ITGB7: variants seen among roughly 807,000 people sequenced by gnomAD.
ITGB7 encodes the protein integrin subunit beta 7, also known as integrin beta-7.
A neutral mutation model predicts 83.4 loss-of-function variants in ITGB7; 55 were observed. The ratio of observed to expected loss-of-function variants is 0.66; its 90% CI spans 0.53 to 0.83. The LOEUF (loss-of-function observed/expected upper bound fraction) is 0.83, where lower values mean the gene tolerates loss of function less well. ITGB7 is among the 40% of genes least tolerant of loss of function. ITGB7 has a pLI of 0.00. For missense variants in ITGB7, 921 were observed against 1,046.7 expected (o/e 0.88, Z 1.66); for synonymous variants, 454 against 423.6 (o/e 1.07, Z -0.88).
At chr12:53,193,082 C>T (rs1942024203) in intron 12 of ITGB7, 58 bp downstream of exon 12, 5 of 1,495,650 alleles carry the variant, frequency 3.3e-6, no homozygotes, top group Admixed American at 1.8e-5. Context: ...ATTCCCAGAG[C>T]CTAAGTGCCT....
intron 1 of ITGB7, among the ~76,000 whole-genome samples, chr12:53,204,692 T>C (rs1386519953): frequency 6.6e-6 from 1 of 152,142 alleles, no homozygotes; most frequent in Non-Finnish European, 1.5e-5. Flanking sequence ...AAATGATAAA[T>C]GTTTGTGTAT....
intron 3 of ITGB7, among the ~76,000 whole-genome samples, chr12:53,199,292 T>C (rs1201342802): frequency 2.0e-5 from 3 of 152,124 alleles, no homozygotes; most frequent in Non-Finnish European, 4.4e-5. Flanking sequence ...ACAGCTTTGT[T>C]TGAAGAGCCA....
Position 53,193,941 on chromosome 12 carries a change from C to T in ITGB7, c.1309-40G>A, listed in dbSNP as rs541649721. ...GAATCAGGCCATGGTTATACACATG[C>T]ACACACACATACCCCAAACTCACCA... On this transcript the variant is annotated intron_variant, in intron 10 of 15. Coordinates refer to ENST00000267082, the MANE Select transcript of ITGB7 (RefSeq NM_000889.3). 2.4e-5 allele frequency: 37 copies of T among 1,554,374 alleles called. 2 individuals are homozygous for T. The South Asian group carries it at 4.2e-4, about 18-fold the overall frequency.
chr12:53,193,331 T>A lies in ITGB7; in HGVS notation c.1535A>T (p.Glu512Val), dbSNP rs1942035898. The change falls in exon 12 of 16, where the codon GAG becomes GTG. Residue 512 changes from glutamate to valine, a missense_variant. By Grantham distance (121) the Glu-to-Val change is moderately radical. Coordinates refer to ENST00000267082, the MANE Select transcript of ITGB7 (RefSeq NM_000889.3). ...GGAGGACAGCTCTGCCACAGAGCAC[T>A]CACAGAGCCGACCTAGGCGGCCAGG... The part of the protein sequence containing the change: ...CAPGRLGRLC[E>V]CSVAELSSPD... 6.2e-7 allele frequency: 1 copy of A among 1,601,406 alleles called. No homozygotes were observed. Among genetic ancestry groups the A allele is most frequent in the Admixed American group, 1.7e-5 (1 of 58,988 alleles).
At chr12:53,195,816 A>G (rs1376027765) in intron 7 of ITGB7, 95 bp from the exon 8 acceptor site, 22 of 1,168,426 alleles carry the variant, frequency 1.9e-5, no homozygotes, top group Non-Finnish European at 2.7e-5. Context: ...CCAAGGTTCC[A>G]CCAGCTGGAG....
At chr12:53,193,077 C>T in intron 12 of ITGB7, 63 bp downstream of exon 12, 5 of 1,485,018 alleles carry the variant, frequency 3.4e-6, no homozygotes, top group Non-Finnish European at 4.6e-6. Context: ...AGGAGATTCC[C>T]AGAGCCTAAG....
rs758795578 is a variant in ITGB7 at position 53,192,785 on chromosome 12, G to C, written c.1852C>G (p.Arg618Gly). ...CACTGGCAGCGGTTGCATTTGCAGC[G>C]TCCATGCCCACTGCAGAGCCCTCCC... is the stretch of plus-strand genomic sequence containing the variant. ...PEGGLCSGHG[R>G]CKCNRCQCLD... Residue 618 changes from arginine to glycine, a missense_variant, in exon 13 of 16, where the codon CGC (arginine) becomes GGC (glycine). By Grantham distance (125) the Arg-to-Gly change is moderately radical. Transcript: ENST00000267082. 1 of 1,614,100 alleles carries C rather than the reference G, an allele frequency of 6.2e-7. No homozygotes were observed. Among genetic ancestry groups the C allele is most frequent in the African/African-American group, 1.3e-5 (1 of 74,940 alleles).
chr12:53,204,018 A>G (rs1303042036), intron 1 of ITGB7, among the ~76,000 whole-genome samples: 1 of 152,216 alleles, frequency 6.6e-6, no homozygotes, highest in Non-Finnish European at 1.5e-5. Context: ...CCAGATGTCC[A>G]TCAACTGATG....
chr12:53,196,534 T>G lies in ITGB7; in HGVS notation c.816+45A>C, dbSNP rs1223644196. On this transcript the variant is annotated intron_variant, in intron 6 of 15. Coordinates refer to ENST00000267082, the MANE Select transcript of ITGB7 (RefSeq NM_000889.3). ...ACACAACCATAAGGGGCAGTCCTGTTCCCAAACAGACCTCCAGGCTCAGAT... is the reference window on the plus strand; with the variant it reads ...ACACAACCATAAGGGGCAGTCCTGTGCCCAAACAGACCTCCAGGCTCAGAT... 2.5e-6 allele frequency: 4 copies of G among 1,578,724 alleles called. No individual in the cohort carries two copies. The African/African-American group carries it at 4.0e-5, about 16-fold the overall frequency.
chr12:53,196,677 G>C lies in ITGB7; in HGVS notation c.718C>G (p.Gln240Glu). ...HHVLSLTGDA[Q>E]AFEREVGRQS... ...CGCCCCACCTCCCGCTCGAAGGCTT[G>C]TGCGTCCCCCGTCAGGGACAGCACA... Residue 240 changes from glutamine (Q) to glutamate (E), a missense_variant, in exon 6 of 16, where the codon CAA becomes GAA. Coordinates refer to ENST00000267082, the MANE Select transcript of ITGB7 (RefSeq NM_000889.3). The C allele has an allele frequency of 6.2e-7, 1 of 1,611,958 alleles. No homozygotes were observed. The highest frequency in any genetic ancestry group is 8.5e-7 in the Non-Finnish European group (1 of 1,178,954).
chr12:53,192,982 GC>G, intron 12 of ITGB7, 72 bp from the exon 13 acceptor site: 1 of 1,479,216 alleles, frequency 6.8e-7, no homozygotes, highest in Non-Finnish European at 9.4e-7. Context: ...GGCACGACAA[GC>G]CCACGCATCC....
intron 2 of ITGB7, 39 bp downstream of exon 2, chr12:53,201,033 A>G (rs10876420): frequency 0.078 from 11,915 of 152,398 alleles, 526 homozygotes; most frequent in East Asian, 0.16. Flanking sequence ...TTGGGGACTG[A>G]GCCTGAAAGC....
chr12:53,196,615 AC>A lies in ITGB7; in HGVS notation c.779del (p.Gly260ValfsTer74). 6.2e-7 allele frequency: 1 copy of A among 1,613,504 alleles called. No homozygotes were observed. Among genetic ancestry groups the A allele is most frequent in the Non-Finnish European group, 8.5e-7 (1 of 1,179,662 alleles). Reference protein sequence around the residue: ...SVSGNLDSPEGGFDAILQAAL... With the variant: ...SVSGNLDSPEXGFDAILQAAL... ...CAGCCTGCAGAATGGCATCGAAGCC[AC>A]CTTCAGGCGAGTCCAGATTGCCGGA... On this transcript the variant is annotated frameshift_variant, in exon 6 of 16. Transcript: ENST00000267082. LOFTEE classifies it high-confidence loss of function.
At chr12:53,196,361 A>C in intron 6 of ITGB7, 162 bp from the exon 7 acceptor site, 1 of 1,005,100 alleles carries the variant, frequency 9.9e-7, no homozygotes, top group Non-Finnish European at 1.4e-6. Context: ...CAGCCCCCTA[A>C]AGAAGGCTGC....
chr12:53,195,035 G>A (rs11170467), intron 9 of ITGB7: 16,137 of 266,428 alleles, frequency 0.061, 686 homozygotes, highest in East Asian at 0.16. Context: ...AATAGGGATG[G>A]TAACAGTTAT....
chr12:53,204,816 G>C (rs975556451), intron 1 of ITGB7, among the ~76,000 whole-genome samples: 75 of 137,088 alleles, frequency 5.5e-4, no homozygotes, highest in Non-Finnish European at 9.6e-4. Context: ...TACTATCTTT[G>C]TTTCTTTTTT....
intron 1 of ITGB7, among the ~76,000 whole-genome samples, chr12:53,203,668 A>AAAAGAAAG (rs1271457527): frequency 5.0e-4 from 69 of 137,392 alleles, no homozygotes; most frequent in African/African-American, 1.9e-3. Flanking sequence ...AAAAAAAAAA[A>AAAAGAAAG]AAAGAAAGAA....
intron 13 of ITGB7, 48 bp from the exon 14 acceptor site, chr12:53,192,586 A>G (rs1397809285): frequency 3.1e-6 from 5 of 1,597,248 alleles, no homozygotes; most frequent in Middle Eastern, 3.6e-4. Context: ...TTGTCACCCA[A>G]TGCCCCTTGC....
chr12:53,192,815 G>A lies in ITGB7; in HGVS notation c.1822C>T (p.Pro608Ser). ...TGCCCACTGCAGAGCCCTCCCTCGG[G>A]ACTGATGCAACTGTCCATGTCCCCA... Reference protein sequence around the residue: ...CSGDMDSCISPEGGLCSGHGR... With the variant: ...CSGDMDSCISSEGGLCSGHGR... Residue 608 changes from proline (P) to serine (S), a missense_variant, in exon 13 of 16, where the codon CCC (proline) becomes TCC (serine). Physicochemically the swap from Pro to Ser is moderately conservative, Grantham distance 74 (BLOSUM62 -1). Transcript: ENST00000267082. 6.2e-7 allele frequency: 1 copy of A among 1,614,232 alleles called. No individual in the cohort carries two copies. The highest frequency in any genetic ancestry group is 8.5e-7 in the Non-Finnish European group (1 of 1,180,052).
Sources: allele counts gnomAD v4.1 joint callset (sites outside exome capture counted in the v4.1 genomes callset), GRCh38; gene constraint gnomAD v4.1.1; transcripts MANE v1.5; gene names NCBI Gene and HGNC (gene_info 2026-07-23, HGNC 2026-07-21).